The following SH2D4A variants were observed in gnomAD, a reference collection of about 807,000 sequenced individuals.
SH2D4A encodes SH2 domain containing 4A.
In SH2D4A, 70 loss-of-function variants were observed where a neutral mutation model predicts 64.7. The ratio of observed to expected loss-of-function variants is 1.08; its 90% CI spans 0.89 to 1.32. The LOEUF is 1.32. SH2D4A is among the 40% of genes most tolerant of loss of function. SH2D4A has a pLI of 0.00. For missense variants in SH2D4A, 706 were observed against 540.1 expected, an observed-to-expected ratio of 1.31 and a Z score of -3.04; for synonymous variants, 268 against 200.7, an observed-to-expected ratio of 1.34 and a Z score of -2.83.
At chr8:19,368,531 G>C (rs570244138) in intron 7 of SH2D4A, among the ~76,000 whole-genome samples, 5 of 149,640 alleles carry the variant, frequency 3.3e-5, no homozygotes, top group Non-Finnish European at 7.4e-5. Flanking sequence ...GTGTTTTATA[G>C]TTTTTCTTGT....
At chr8:19,371,605 TTTTTTTCCAGG>T (rs1020129508) in intron 7 of SH2D4A, among the ~76,000 whole-genome samples, 1 of 138,384 alleles carries the variant, frequency 7.2e-6, no homozygotes, top group African/African-American at 3.5e-5. Flanking sequence ...TGGCTATTAA[TTTTTTTCCAGG>T]TTTGGAAAGT....
At position 19,372,567 on chromosome 8, in the gene SH2D4A, G is replaced by T. The variant is rs76240507; in HGVS notation, c.918-963G>T. Among the ~76,000 whole-genome samples, 1,053 of 152,244 alleles carry T rather than the reference G, an allele frequency of 6.9e-3. 5 individuals carry two copies. The highest frequency in any genetic ancestry group is 0.024 in the African/African-American group (1,005 of 41,528). The stretch of plus-strand genomic sequence containing the variant: ...GCACATCTCATTGGCTCAGATAGAC[G>T]CTTGTCTCCCAGCAGGTGCCTCTAC... On this transcript the variant is annotated intron_variant, in intron 7 of 9. Transcript: ENST00000265807.
chr8:19,354,903 G>A (rs2052765303), intron 4 of SH2D4A, among the ~76,000 whole-genome samples: 1 of 152,180 alleles, frequency 6.6e-6, no homozygotes, highest in Non-Finnish European at 1.5e-5. Flanking sequence ...AAAGACTAAG[G>A]ACAGCAAATG....
At chr8:19,374,038 C>T (rs1430371771) in intron 8 of SH2D4A, among the ~76,000 whole-genome samples, 2 of 152,210 alleles carry the variant, frequency 1.3e-5, no homozygotes, top group African/African-American at 4.8e-5. Context: ...ATGTGCTGGA[C>T]AGGACACTGG....
In SH2D4A at chr8:19,362,320, G is replaced by A. The variant is rs527490832; in HGVS notation, c.706+1006G>A. Among the ~76,000 whole-genome samples, 192 of 152,356 alleles carry A rather than the reference G, an allele frequency of 1.3e-3. 1 individual carries two copies. Among genetic ancestry groups the A allele is most frequent in the Non-Finnish European group, 3.1e-4 (21 of 68,034 alleles). ...TAACAGGATTTGACCAATACTGCCT[G>A]AAGTGTAAATATAGTCAATAAAAAT... On this transcript the variant is annotated intron_variant, in intron 6 of 9. Transcript: ENST00000265807.
chr8:19,313,907 A>C (rs1276054672), intron 1 of SH2D4A, 84 bp downstream of exon 1: 2 of 1,325,484 alleles, frequency 1.5e-6, no homozygotes, highest in Non-Finnish European at 1.9e-6. Context: ...CGGAGGTTGC[A>C]TGGGTGCATG....
chr8:19,353,858 C>T (rs2052748581), intron 4 of SH2D4A, among the ~76,000 whole-genome samples: 1 of 151,746 alleles, frequency 6.6e-6, no homozygotes, highest in South Asian at 2.1e-4. Context: ...TCTTGGTTCA[C>T]CTTGAAAAGT....
intron 8 of SH2D4A, among the ~76,000 whole-genome samples, chr8:19,381,380 T>A (rs769418469): frequency 6.6e-6 from 1 of 152,172 alleles, no homozygotes; most frequent in Non-Finnish European, 1.5e-5. Context: ...ATTGTATAAG[T>A]CTTTCACTTC....
chr8:19,391,045 T>G (rs1399282206), intron 8 of SH2D4A, among the ~76,000 whole-genome samples: 1 of 152,162 alleles, frequency 6.6e-6, no homozygotes. Context: ...AGAGATCTTT[T>G]TCCAAGATGC....
intron 8 of SH2D4A, among the ~76,000 whole-genome samples, chr8:19,390,557 T>C (rs565911377): frequency 1.3e-5 from 2 of 152,286 alleles, no homozygotes; most frequent in South Asian, 4.1e-4. Context: ...AAACTGTACA[T>C]TGACCTGTGT....
At chr8:19,367,259 C>T (rs775602747) in intron 7 of SH2D4A, among the ~76,000 whole-genome samples, 13 of 152,116 alleles carry the variant, frequency 8.5e-5, no homozygotes, top group Non-Finnish European at 1.3e-4. Context: ...TTCCTTTTGA[C>T]GTAGACCCAG....
chr8:19,361,582 T>G (rs994679773), intron 6 of SH2D4A, among the ~76,000 whole-genome samples: 1 of 152,164 alleles, frequency 6.6e-6, no homozygotes, highest in African/African-American at 2.4e-5. Flanking sequence ...AAAATAGGTT[T>G]TGGAGAGTGT....
intron 2 of SH2D4A, among the ~76,000 whole-genome samples, chr8:19,329,846 C>T (rs749023890): frequency 6.6e-6 from 1 of 152,194 alleles, no homozygotes; most frequent in Non-Finnish European, 1.5e-5. Context: ...GATTGTGAAG[C>T]TTCCCTAGTC....
chr8:19,381,362 T>C (rs904451274), intron 8 of SH2D4A, among the ~76,000 whole-genome samples: 3 of 152,220 alleles, frequency 2.0e-5, no homozygotes, highest in Non-Finnish European at 2.9e-5. Flanking sequence ...CAGTGTTTTA[T>C]AGTTTTTATT....
chr8:19,393,656 G>A (rs574082491), intron 9 of SH2D4A, 115 bp downstream of exon 9: 23 of 942,688 alleles, frequency 2.4e-5, no homozygotes, highest in Non-Finnish European at 3.7e-5. Context: ...AGGGGACAGG[G>A]GTGGGGGCTT....
chr8:19,322,954 C>G (rs2052216740), intron 2 of SH2D4A, among the ~76,000 whole-genome samples: 1 of 152,152 alleles, frequency 6.6e-6, no homozygotes, highest in African/African-American at 2.4e-5. Flanking sequence ...GGATTACACG[C>G]ATGACCCACC....
intron 8 of SH2D4A, among the ~76,000 whole-genome samples, chr8:19,384,251 A>G (rs1402826862): frequency 6.6e-6 from 1 of 152,038 alleles, no homozygotes; most frequent in Non-Finnish European, 1.5e-5. Flanking sequence ...ACAGAGAATG[A>G]AGTTTTTTGG....
chr8:19,350,737 C>A (rs913328665), intron 4 of SH2D4A, among the ~76,000 whole-genome samples: 2 of 152,148 alleles, frequency 1.3e-5, no homozygotes, highest in South Asian at 4.1e-4. Context: ...TCTGACTGGG[C>A]CTCCCAAAGT....
intron 4 of SH2D4A, among the ~76,000 whole-genome samples, chr8:19,341,627 G>C (rs1191185667): frequency 6.6e-6 from 1 of 152,140 alleles, no homozygotes; most frequent in African/African-American, 2.4e-5. Context: ...TGGATCACTT[G>C]AAGCCAGGAG....
Sources: allele counts gnomAD v4.1 joint callset (sites outside exome capture counted in the v4.1 genomes callset), GRCh38; gene constraint gnomAD v4.1.1; transcripts MANE v1.5; gene names NCBI Gene and HGNC (gene_info 2026-07-23, HGNC 2026-07-21).